CHCHD6: variants seen among roughly 807,000 people sequenced by gnomAD.
The protein encoded by CHCHD6 is coiled-coil-helix-coiled-coil-helix domain containing 6, also known as MICOS complex subunit MIC25.
Under a neutral mutation model 32.3 loss-of-function variants are expected in CHCHD6, and 28 were observed. That is an observed-to-expected ratio of 0.87 (90% CI 0.64 to 1.19). The LOEUF (loss-of-function observed/expected upper bound fraction) is 1.19. CHCHD6 is among the 50% of genes most tolerant of loss of function. The probability of loss-of-function intolerance (pLI) is 0.00; values close to 1 mark genes in which losing one functional copy is unlikely to be tolerated. For synonymous variants in CHCHD6, 122 were observed against 117.5 expected (o/e 1.04, Z -0.25); for missense variants, 333 against 307.0 (o/e 1.08, Z -0.63).
intron 4 of CHCHD6, among the ~76,000 whole-genome samples, chr3:126,839,359 CA>C (rs1352472985): frequency 6.6e-6 from 1 of 152,234 alleles, no homozygotes; most frequent in East Asian, 1.9e-4. Flanking sequence ...TGTATAAACA[CA>C]AGAACATACC....
chr3:126,804,441 G>T (rs1368944235), intron 4 of CHCHD6, among the ~76,000 whole-genome samples: 2 of 152,118 alleles, frequency 1.3e-5, no homozygotes, highest in East Asian at 3.8e-4. Context: ...ACACCTCTAC[G>T]CAAGTAAACC....
At chr3:126,790,531 CTT>C in intron 4 of CHCHD6, among the ~76,000 whole-genome samples, 1 of 152,118 alleles carries the variant, frequency 6.6e-6, no homozygotes, top group East Asian at 1.9e-4. Context: ...TCTTTTTACT[CTT>C]TTTTCTTTAA....
At chr3:126,755,106 G>T (rs1936900310) in intron 4 of CHCHD6, among the ~76,000 whole-genome samples, 1 of 152,362 alleles carries the variant, frequency 6.6e-6, no homozygotes, top group Non-Finnish European at 1.5e-5. Context: ...GCAGAGGAAA[G>T]TGGATTGGGC....
In CHCHD6 at chr3:126,704,452, G is replaced by A. The variant is rs1424777597; in HGVS notation, c.87+53G>A. 11 of 1,199,720 alleles carry A rather than the reference G, an allele frequency of 9.2e-6. No individual in the cohort carries two copies. In the South Asian group the frequency reaches 1.1e-4, roughly 12 times the overall value. 74.3% of individuals were successfully genotyped at this position (1,199,720 alleles called of 1,614,324 possible). On this transcript the variant is annotated intron_variant, in intron 1 of 7. Transcript: ENST00000290913. ...GGCGTGGAGGCCGCGGGCGCGGGGG[G>A]GAGGTGCGGGGCGGAGCGCAGGGCC...
At chr3:126,820,698 G>T (rs974705085) in intron 4 of CHCHD6, among the ~76,000 whole-genome samples, 3 of 152,162 alleles carry the variant, frequency 2.0e-5, no homozygotes, top group African/African-American at 7.2e-5. Flanking sequence ...TACAATTGCT[G>T]GGTCTCAGAG....
chr3:126,737,926 A>G (rs999809684), intron 4 of CHCHD6, among the ~76,000 whole-genome samples: 2 of 152,116 alleles, frequency 1.3e-5, no homozygotes, highest in South Asian at 2.1e-4. Context: ...CTGAACCTCA[A>G]AAGAGATAAA....
chr3:126,752,138 C>T lies in CHCHD6; in HGVS notation c.411+18916C>T, dbSNP rs546514716. Among the ~76,000 whole-genome samples the T allele has an allele frequency of 4.6e-5, 7 of 152,304 alleles. No individual in the cohort carries two copies. In the South Asian group the frequency reaches 1.4e-3, roughly 32 times the overall value. On this transcript the variant is annotated intron_variant, in intron 4 of 7. Transcript: ENST00000290913. ...CGCATATCCTGTGCTTCACTGGGGA[C>T]AGGCTCTGGGTGCAGGAGCTGTTTG... is the stretch of plus-strand genomic sequence containing the variant.
At chr3:126,782,837 C>A (rs1197257583) in intron 4 of CHCHD6, among the ~76,000 whole-genome samples, 1 of 152,124 alleles carries the variant, frequency 6.6e-6, no homozygotes, top group Admixed American at 6.5e-5. Flanking sequence ...CTTCCCTCCA[C>A]CCCCAAAACA....
At chr3:126,802,048 C>T (rs7640464) in intron 4 of CHCHD6, among the ~76,000 whole-genome samples, 30,425 of 152,056 alleles carry the variant, frequency 0.2, 3,423 homozygotes, top group African/African-American at 0.3. Flanking sequence ...GACATCCACA[C>T]CAAAAACGCA....
At chr3:126,877,734 A>C (rs2077557990) in intron 5 of CHCHD6, among the ~76,000 whole-genome samples, 1 of 152,202 alleles carries the variant, frequency 6.6e-6, no homozygotes, top group African/African-American at 2.4e-5. Flanking sequence ...AATCTGGTGA[A>C]ATCTGAATAA....
At chr3:126,879,912 T>C (rs527565206) in intron 5 of CHCHD6, among the ~76,000 whole-genome samples, 12 of 152,314 alleles carry the variant, frequency 7.9e-5, no homozygotes, top group African/African-American at 2.9e-4. Flanking sequence ...GAAATGTATA[T>C]GGGCACTTAT....
At chr3:126,876,623 G>A (rs535374739) in intron 5 of CHCHD6, among the ~76,000 whole-genome samples, 1 of 152,306 alleles carries the variant, frequency 6.6e-6, no homozygotes, top group African/African-American at 2.4e-5. Flanking sequence ...ACTTTTAAAT[G>A]TGTTATCATT....
At chr3:126,738,063 C>G (rs1936126459) in intron 4 of CHCHD6, among the ~76,000 whole-genome samples, 1 of 152,160 alleles carries the variant, frequency 6.6e-6, no homozygotes, top group Non-Finnish European at 1.5e-5. Flanking sequence ...CCCCTCTAAC[C>G]TAAGGATCCC....
intron 5 of CHCHD6, among the ~76,000 whole-genome samples, chr3:126,896,755 G>T (rs904143805): frequency 9.2e-5 from 14 of 152,180 alleles, no homozygotes; most frequent in African/African-American, 3.4e-4. Context: ...CTCTGGAGGG[G>T]CAGGAGTGGG....
intron 5 of CHCHD6, among the ~76,000 whole-genome samples, chr3:126,887,731 C>T (rs893654412): frequency 3.9e-5 from 6 of 152,120 alleles, no homozygotes; most frequent in Non-Finnish European, 7.4e-5. Flanking sequence ...CCGGAAACAC[C>T]GTGCATTGGG....
At chr3:126,832,677 A>G (rs1940691766) in intron 4 of CHCHD6, among the ~76,000 whole-genome samples, 1 of 152,152 alleles carries the variant, frequency 6.6e-6, no homozygotes, top group Admixed American at 6.5e-5. Flanking sequence ...AATTGCTGCC[A>G]TCTTCATGTG....
chr3:126,822,396 TA>T (rs1940189347), intron 4 of CHCHD6, among the ~76,000 whole-genome samples: 1 of 152,348 alleles, frequency 6.6e-6, no homozygotes, highest in Admixed American at 6.5e-5. Context: ...TGATTATATT[TA>T]TTTTTGGACT....
At chr3:126,721,062 C>T (rs543186023) in intron 1 of CHCHD6, among the ~76,000 whole-genome samples, 1 of 152,318 alleles carries the variant, frequency 6.6e-6, no homozygotes, top group African/African-American at 2.4e-5. Context: ...AATTATTCCA[C>T]GAACTTGAGA....
rs183894291 is a variant in CHCHD6 at position 126,872,293 on chromosome 3, C to T, written c.495+19563C>T. Among the ~76,000 whole-genome samples, 8 of 152,262 alleles carry T rather than the reference C, an allele frequency of 5.3e-5. No homozygotes were observed. In the East Asian group the frequency reaches 5.8e-4, roughly 11 times the overall value. On this transcript the variant is annotated intron_variant, in intron 5 of 7. Coordinates refer to ENST00000290913, the MANE Select transcript of CHCHD6 (RefSeq NM_032343.3). ...GGGCCAGCCTATAGACCCAGCTTCT[C>T]GGGAGGCTGACATGGGAGGATTGCT...
Sources: gnomAD v4.1 joint callset for allele counts (sites outside exome capture counted in the v4.1 genomes callset) on GRCh38, gnomAD v4.1.1 for gene constraint, MANE v1.5 for transcripts, NCBI Gene and HGNC (gene_info 2026-07-23, HGNC 2026-07-21) for gene names.